The following HS6ST3 variants were observed in gnomAD, a reference collection of about 807,000 sequenced individuals.
The protein encoded by HS6ST3 is heparan sulfate 6-O-sulfotransferase 3.
Under a neutral mutation model 36.7 loss-of-function variants are expected in HS6ST3, and 12 were observed. That is an observed-to-expected ratio of 0.33 (90% CI 0.21 to 0.53). The LOEUF is 0.53. Among genes scored for constraint, HS6ST3 ranks in the 20% least tolerant of loss-of-function variants. The probability of loss-of-function intolerance (pLI) is 0.95; values close to 1 mark genes in which losing one functional copy is unlikely to be tolerated. For synonymous variants in HS6ST3, 240 were observed against 257.5 expected, an observed-to-expected ratio of 0.93 and a Z score of 0.65; for missense variants, 584 against 640.9, an observed-to-expected ratio of 0.91 and a Z score of 0.96.
intron 1 of HS6ST3, among the ~76,000 whole-genome samples, chr13:96,595,247 A>G (rs2138978295): frequency 6.6e-6 from 1 of 152,088 alleles, no homozygotes. Context: ...GAGTCTTGCT[A>G]TGTTGCCAAG....
At chr13:96,224,840 A>C (rs896723706) in intron 1 of HS6ST3, among the ~76,000 whole-genome samples, 13 of 152,228 alleles carry the variant, frequency 8.5e-5, no homozygotes, top group Non-Finnish European at 2.9e-5. Flanking sequence ...CACATTCTCT[A>C]AAAATGAATG....
In HS6ST3 at chr13:96,833,301, G is replaced by T; in HGVS notation, c.*103G>T. The T allele has an allele frequency of 1.2e-6, 1 of 822,122 alleles. No individual in the cohort carries two copies. 50.9% of individuals were successfully genotyped at this position (822,122 alleles called of 1,614,324 possible). On this transcript the variant is annotated 3_prime_UTR_variant, in exon 2 of 2. Transcript: ENST00000376705. Reference sequence around the variant, plus strand: ...TGAGCCATTCTGAGGACATCTGGCTGTGTGTGCTTGATTTGGACATCTTCT... The same window carrying T: ...TGAGCCATTCTGAGGACATCTGGCTTTGTGTGCTTGATTTGGACATCTTCT...
chr13:96,327,016 T>C (rs1371740716), intron 1 of HS6ST3, among the ~76,000 whole-genome samples: 2 of 144,544 alleles, frequency 1.4e-5, no homozygotes, highest in South Asian at 2.3e-4. Flanking sequence ...GCTCACTTTT[T>C]GATGGGGTTG....
chr13:96,519,929 A>G (rs1692480884), intron 1 of HS6ST3, among the ~76,000 whole-genome samples: 1 of 152,168 alleles, frequency 6.6e-6, no homozygotes, highest in Admixed American at 6.5e-5. Flanking sequence ...ATGAAGCATT[A>G]TTTGATTTTC....
chr13:96,421,215 G>T (rs1406843412), intron 1 of HS6ST3, among the ~76,000 whole-genome samples: 1 of 152,086 alleles, frequency 6.6e-6, no homozygotes, highest in East Asian at 1.9e-4. Flanking sequence ...TGCACAAAAA[G>T]TCCCTTTGTA....
intron 1 of HS6ST3, among the ~76,000 whole-genome samples, chr13:96,605,476 A>G (rs2056435350): frequency 6.6e-6 from 1 of 152,088 alleles, no homozygotes; most frequent in Admixed American, 6.6e-5. Flanking sequence ...AGCTTTCTAT[A>G]AACTATTACA....
chr13:96,664,590 TCTCA>T (rs1157678522), intron 1 of HS6ST3, among the ~76,000 whole-genome samples: 1 of 152,166 alleles, frequency 6.6e-6, no homozygotes, highest in Non-Finnish European at 1.5e-5. Flanking sequence ...ATCTTCCTCC[TCTCA>T]CTCACTCTGA....
intron 1 of HS6ST3, among the ~76,000 whole-genome samples, chr13:96,715,178 A>G (rs1445101885): frequency 1.3e-5 from 2 of 152,168 alleles, no homozygotes; most frequent in Non-Finnish European, 2.9e-5. Flanking sequence ...AAAATCTTAA[A>G]CAAATAATAT....
intron 1 of HS6ST3, among the ~76,000 whole-genome samples, chr13:96,231,709 G>A (rs531535355): frequency 1.6e-4 from 24 of 152,226 alleles, no homozygotes; most frequent in East Asian, 3.9e-4. Flanking sequence ...AGGCCCATGC[G>A]CAAAAGTTTG....
At chr13:96,706,993 G>C (rs188731719) in intron 1 of HS6ST3, among the ~76,000 whole-genome samples, 1 of 152,144 alleles carries the variant, frequency 6.6e-6, no homozygotes, top group African/African-American at 2.4e-5. Flanking sequence ...TGTGAAATCA[G>C]ACTAATACAA....
At chr13:96,573,149 A>G (rs1488297423) in intron 1 of HS6ST3, among the ~76,000 whole-genome samples, 1 of 152,176 alleles carries the variant, frequency 6.6e-6, no homozygotes, top group African/African-American at 2.4e-5. Context: ...CTCCGGACCT[A>G]CTTGGCTGGT....
intron 1 of HS6ST3, among the ~76,000 whole-genome samples, chr13:96,156,714 TTTG>T (rs1369487413): frequency 6.6e-6 from 1 of 152,154 alleles, no homozygotes; most frequent in Non-Finnish European, 1.5e-5. Flanking sequence ...GGTCCTGAGA[TTTG>T]TTTCCTTCTC....
chr13:96,594,326 T>A (rs139037858), intron 1 of HS6ST3, among the ~76,000 whole-genome samples: 21 of 152,182 alleles, frequency 1.4e-4, no homozygotes, highest in African/African-American at 5.1e-4. Flanking sequence ...AGCATTCATA[T>A]GTGAGGACTT....
At chr13:96,605,309 A>G (rs765073917) in intron 1 of HS6ST3, among the ~76,000 whole-genome samples, 3 of 152,158 alleles carry the variant, frequency 2.0e-5, no homozygotes, top group Non-Finnish European at 4.4e-5. Context: ...TTTTGAAAGA[A>G]TGCCTAAATG....
intron 1 of HS6ST3, among the ~76,000 whole-genome samples, chr13:96,322,798 T>G (rs1406867626): frequency 6.6e-6 from 1 of 152,178 alleles, no homozygotes; most frequent in Non-Finnish European, 1.5e-5. Flanking sequence ...TTGAAACTGT[T>G]TTGTCAAGGC....
At chr13:96,493,106 TC>T (rs2055954838) in intron 1 of HS6ST3, among the ~76,000 whole-genome samples, 1 of 152,202 alleles carries the variant, frequency 6.6e-6, no homozygotes, top group African/African-American at 2.4e-5. Context: ...GCTCATTTAG[TC>T]CTTTTTCAGA....
At chr13:96,348,368 T>C (rs1027592867) in intron 1 of HS6ST3, among the ~76,000 whole-genome samples, 2 of 152,344 alleles carry the variant, frequency 1.3e-5, no homozygotes, top group East Asian at 1.9e-4. Context: ...CACATAACAC[T>C]GAAAGCTGTG....
At chr13:96,558,861 C>T (rs2056251001) in intron 1 of HS6ST3, among the ~76,000 whole-genome samples, 1 of 152,068 alleles carries the variant, frequency 6.6e-6, no homozygotes, top group African/African-American at 2.4e-5. Flanking sequence ...TTACAGAATT[C>T]TACTTGTAAT....
intron 1 of HS6ST3, among the ~76,000 whole-genome samples, chr13:96,172,547 G>GTAC (rs1188780594): frequency 6.6e-6 from 1 of 152,036 alleles, no homozygotes; most frequent in African/African-American, 2.4e-5. Context: ...CTATTTCTTT[G>GTAC]TACTAGGAAC....
Sources: allele counts gnomAD v4.1 joint callset (sites outside exome capture counted in the v4.1 genomes callset), GRCh38; gene constraint gnomAD v4.1.1; transcripts MANE v1.5; gene names NCBI Gene and HGNC (gene_info 2026-07-23, HGNC 2026-07-21).